PDCD1: variants seen among roughly 807,000 people sequenced by gnomAD.
The protein encoded by PDCD1 is programmed cell death 1.
A neutral mutation model predicts 23.6 loss-of-function variants in PDCD1; 10 were observed. The observed-to-expected ratio is 0.42, with a 90% CI of 0.26 to 0.72. The LOEUF (loss-of-function observed/expected upper bound fraction) is 0.72, where lower values mean the gene tolerates loss of function less well. Ranked by LOEUF, PDCD1 falls within the 30% of genes least tolerant of loss-of-function variation. PDCD1 has a pLI of 0.24. For synonymous variants in PDCD1, 168 were observed against 169.3 expected (o/e 0.99, Z 0.06); for missense variants, 313 against 397.8 (o/e 0.79, Z 1.81).
At position 241,856,977 on chromosome 2, in the gene PDCD1, A is replaced by G. The variant is rs1484515243; in HGVS notation, c.76+1786T>C. Among the ~76,000 whole-genome samples the G allele has an allele frequency of 3.9e-5, 6 of 152,366 alleles. No individual in the cohort carries two copies. In the East Asian group the frequency reaches 1.2e-3, roughly 29 times the overall value. On this transcript the variant is annotated intron_variant, in intron 1 of 4. Transcript: ENST00000334409. ...GGGCCAAGTCCTGTCGAAGGCCCAGAGCTCAGCAGTGGCAGCGCTGACTGG... is the reference window on the plus strand; with the variant it reads ...GGGCCAAGTCCTGTCGAAGGCCCAGGGCTCAGCAGTGGCAGCGCTGACTGG...
At chr2:241,852,113 G>A (rs1700915036) in intron 3 of PDCD1, 85 bp downstream of exon 3, 4 of 1,502,986 alleles carry the variant, frequency 2.7e-6, no homozygotes, top group South Asian at 1.2e-5. Flanking sequence ...GGTGGGGTGA[G>A]GGAAGGGTGG....
intron 1 of PDCD1, among the ~76,000 whole-genome samples, chr2:241,858,080 C>G (rs942831112): frequency 1.3e-5 from 2 of 152,184 alleles, no homozygotes; most frequent in African/African-American, 2.4e-5. Flanking sequence ...AGGCCTCCCC[C>G]ACGGATGGTC....
chr2:241,858,272 C>T (rs953025458), intron 1 of PDCD1, among the ~76,000 whole-genome samples: 4 of 152,242 alleles, frequency 2.6e-5, no homozygotes, highest in African/African-American at 7.2e-5. Flanking sequence ...AGGTTAGTCC[C>T]ACATGGGGCT....
intron 1 of PDCD1, among the ~76,000 whole-genome samples, chr2:241,857,060 C>T (rs1385155460): frequency 1.3e-5 from 2 of 152,160 alleles, no homozygotes; most frequent in Non-Finnish European, 2.9e-5. Flanking sequence ...TGCCCTCGGA[C>T]GGGGCCAATA....
rs748155896 is a variant in PDCD1 at position 241,852,607 on chromosome 2, C to T, written c.436+14G>A. The T allele has an allele frequency of 1.1e-5, 18 of 1,606,006 alleles. No individual in the cohort carries two copies. In the South Asian group the frequency reaches 1.7e-4, roughly 15 times the overall value. ...GCTCAGCTCACCCCTGCCCCGGGGC[C>T]TCCGAGGCCGCACCTGTCACCCTGA... On this transcript the variant is annotated intron_variant, in intron 2 of 4. Transcript: ENST00000334409.
At position 241,852,282 on chromosome 2, in the gene PDCD1, C is replaced by G. The variant is rs757671679; in HGVS notation, c.508G>C (p.Val170Leu). Residue 170 changes from valine (V) to leucine (L), a missense_variant, in exon 3 of 5, where the codon GTG becomes CTG. Val to Leu is a conservative substitution (Grantham distance 32, BLOSUM62 1). This residue lies in a region of PDCD1 where 158 missense variants were observed against 177.5 expected (regional missense o/e 0.89). Coordinates refer to ENST00000334409, the MANE Select transcript of PDCD1 (RefSeq NM_005018.3). The part of the protein sequence containing the change: ...PRPAGQFQTL[V>L]VGVVGGLLGS... ...AGCAGGCCGCCCACGACACCAACCA[C>G]CAGGGTTTGGAACTGGCCGGCTGGC... 1.9e-6 allele frequency: 3 copies of G among 1,612,092 alleles called. No individual in the cohort carries two copies. In the East Asian group the frequency reaches 6.7e-5, roughly 36 times the overall value.
chr2:241,851,668 A>AC (rs1700905213), intron 4 of PDCD1, among the ~76,000 whole-genome samples: 1 of 150,660 alleles, frequency 6.6e-6, no homozygotes, highest in Non-Finnish European at 1.5e-5. Context: ...TGGGCCGGGC[A>AC]CCCCCAGAGA....
Position 241,858,744 on chromosome 2 carries a change from G to GGGCTGCCAGGGCCAGGCCTGCCTC in PDCD1, c.76+18_76+19insGAGGCAGGCCTGGCCCTGGCAGCC. On this transcript the variant is annotated intron_variant, in intron 1 of 4. Coordinates refer to ENST00000334409, the MANE Select transcript of PDCD1 (RefSeq NM_005018.3). ...CCAGACCCCTGGCTCTGGGACACCT[G>GGGCTGCCAGGGCCAGGCCTGCCTC]ACCGCCGACCCCACCTACCTAAGAA... is the stretch of plus-strand genomic sequence containing the variant. The GGGCTGCCAGGGCCAGGCCTGCCTC allele has an allele frequency of 6.4e-7, 1 of 1,572,846 alleles. No homozygotes were observed. The highest frequency in any genetic ancestry group is 1.3e-5 in the African/African-American group (1 of 74,188).
chr2:241,851,605 G>C (rs555117961), intron 4 of PDCD1, among the ~76,000 whole-genome samples: 1 of 152,316 alleles, frequency 6.6e-6, no homozygotes, highest in East Asian at 1.9e-4. Flanking sequence ...GCCCTCGCAG[G>C]TGGGCACACG....
In PDCD1 at chr2:241,851,095, AGTGG is replaced by A. The variant is rs756377068; in HGVS notation, c.826_829del (p.Pro276Ter). The A allele has an allele frequency of 2.5e-6, 4 of 1,613,026 alleles. No homozygotes were observed. In the African/African-American group the frequency reaches 5.3e-5, roughly 21 times the overall value. ...AGAGCAGTGTCCATCCTCAGGCCTC[AGTGG>A]CTGGGCACTCCGAGGGCCGTCAGCT... On this transcript the variant is annotated frameshift_variant, in exon 5 of 5. Coordinates refer to ENST00000334409, the MANE Select transcript of PDCD1 (RefSeq NM_005018.3). LOFTEE classifies it high-confidence loss of function.
intron 2 of PDCD1, 63 bp from the exon 3 acceptor site, chr2:241,852,416 G>T: frequency 8.2e-7 from 1 of 1,224,460 alleles, no homozygotes; most frequent in Non-Finnish European, 1.2e-6. Context: ...GGTCAGGGGT[G>T]AGGGCAGACT....
intron 1 of PDCD1, among the ~76,000 whole-genome samples, chr2:241,857,478 C>T (rs1037862168): frequency 6.6e-6 from 1 of 152,200 alleles, no homozygotes; most frequent in Non-Finnish European, 1.5e-5. Context: ...CGGCTCCCCT[C>T]CTGCCTCGCT....
chr2:241,856,919 C>T (rs1701039669), intron 1 of PDCD1, among the ~76,000 whole-genome samples: 1 of 152,232 alleles, frequency 6.6e-6, no homozygotes, highest in African/African-American at 2.4e-5. Context: ...GCGTCCTCAC[C>T]CATGACCCAA....
chr2:241,851,114 G>T lies in PDCD1; in HGVS notation c.811C>A (p.Pro271Thr). The T allele has an allele frequency of 6.2e-7, 1 of 1,613,216 alleles. No individual in the cohort carries two copies. The highest frequency in any genetic ancestry group is 8.5e-7 in the Non-Finnish European group (1 of 1,179,914). ...SPARRGSADG[P>T]RSAQPLRPED... ...GGCCTCAGTGGCTGGGCACTCCGAG[G>T]GCCGTCAGCTGAGCCCCTGCGGGCG... is the stretch of plus-strand genomic sequence containing the variant. Residue 271 changes from proline (P) to threonine (T), a missense_variant, in exon 5 of 5, where the codon CCT becomes ACT. This residue lies in a region of PDCD1 where 158 missense variants were observed against 177.5 expected (regional missense o/e 0.89). Transcript: ENST00000334409.
Position 241,852,369 on chromosome 2 carries a change from G to C in PDCD1, c.437-16C>G, listed in dbSNP as rs753433275. 1 of 1,531,976 alleles carries C rather than the reference G, an allele frequency of 6.5e-7. No individual in the cohort carries two copies. The highest frequency in any genetic ancestry group is 2.3e-5 in the East Asian group (1 of 44,210). 94.9% of individuals were successfully genotyped at this position (1,531,976 alleles called of 1,614,324 possible). ...GCCCTTCTCTCTGGAAGGGCACAAA[G>C]GTCAGGGGTTAGGACGGGGTCAGGG... On this transcript the variant is annotated splice_polypyrimidine_tract_variant and intron_variant, in intron 2 of 4. Transcript: ENST00000334409.
At position 241,852,777 on chromosome 2, in the gene PDCD1, G is replaced by A. The variant is rs1427055411; in HGVS notation, c.280C>T (p.Arg94Cys). 2.0e-5 allele frequency: 33 copies of A among 1,613,874 alleles called. No individual in the cohort carries two copies. Among genetic ancestry groups the A allele is most frequent in the African/African-American group, 2.7e-5 (2 of 74,938 alleles). Residue 94 changes from arginine (R) to cysteine (C), a missense_variant, in exon 2 of 5, where the codon CGC becomes TGC. Arg to Cys is a radical substitution (Grantham distance 180, BLOSUM62 -3). This residue lies in a region of PDCD1 where 135 missense variants were observed against 166.9 expected (regional missense o/e 0.81). Coordinates refer to ENST00000334409, the MANE Select transcript of PDCD1 (RefSeq NM_005018.3). Reference sequence around the variant, plus strand: ...TTGGGCAGTTGTGTGACACGGAAGCGGCAGTCCTGGCCGGGCTGGCTGCGG... The same window carrying A: ...TTGGGCAGTTGTGTGACACGGAAGCAGCAGTCCTGGCCGGGCTGGCTGCGG... ...EDRSQPGQDC[R>C]FRVTQLPNGR...
chr2:241,852,252 T>A lies in PDCD1; in HGVS notation c.538A>T (p.Ser180Cys), dbSNP rs2124859110. The change falls in exon 3 of 5, where the codon AGC becomes TGC. Residue 180 changes from serine to cysteine, a missense_variant. Around this residue, in one of 3 missense-constraint regions of PDCD1, gnomAD observed 158 missense variants for 177.5 expected, o/e 0.89. Coordinates refer to ENST00000334409, the MANE Select transcript of PDCD1 (RefSeq NM_005018.3). ...VVGVVGGLLG[S>C]LVLLVWVLAV... is the part of the protein sequence containing the mutation. The stretch of plus-strand genomic sequence containing the variant: ...AGGACCCAGACTAGCAGCACCAGGC[T>A]GCCCAGCAGGCCGCCCACGACACCA... 1 of 1,611,238 alleles carries A rather than the reference T, an allele frequency of 6.2e-7. No homozygotes were observed. Among genetic ancestry groups the A allele is most frequent in the Non-Finnish European group, 8.5e-7 (1 of 1,179,492 alleles).
rs775781982 is a variant in PDCD1 at position 241,852,302 on chromosome 2, G to T, written c.488C>A (p.Ala163Asp). 6.2e-7 allele frequency: 1 copy of T among 1,611,100 alleles called. No homozygotes were observed. The highest frequency in any genetic ancestry group is 8.5e-7 in the Non-Finnish European group (1 of 1,178,946). Residue 163 changes from alanine to aspartate, a missense_variant, in exon 3 of 5, where the codon GCC becomes GAC. Around this residue, in one of 3 missense-constraint regions of PDCD1, gnomAD observed 158 missense variants for 177.5 expected, o/e 0.89. Transcript: ENST00000334409. ...TAHPSPSPRP[A>D]GQFQTLVVGV... ...AACCACCAGGGTTTGGAACTGGCCG[G>T]CTGGCCTGGGTGAGGGGCTGGGGTG...
intron 1 of PDCD1, among the ~76,000 whole-genome samples, chr2:241,855,651 A>T (rs1476810693): frequency 6.6e-6 from 1 of 152,188 alleles, no homozygotes; most frequent in African/African-American, 2.4e-5. Context: ...ATTACAGGAC[A>T]TTGCTTTCCA....
Sources: gnomAD v4.1 joint callset for allele counts (sites outside exome capture counted in the v4.1 genomes callset) on GRCh38, gnomAD v4.1.1 for gene constraint, gnomAD v4.1.1 regional missense constraint, MANE v1.5 for transcripts, NCBI Gene and HGNC (gene_info 2026-07-23, HGNC 2026-07-21) for gene names.